FKTN: variants seen among roughly 807,000 people sequenced by gnomAD.
FKTN encodes fukutin, also known as ribitol-5-phosphate transferase FKTN.
A neutral mutation model predicts 58.6 loss-of-function variants in FKTN; 47 were observed. The ratio of observed to expected loss-of-function variants is 0.80; its 90% CI spans 0.63 to 1.02. The LOEUF (loss-of-function observed/expected upper bound fraction) is 1.02. Ranked by LOEUF, FKTN falls within the 50% of genes least tolerant of loss-of-function variation. The pLI is 0.00. For synonymous variants in FKTN, 178 were observed against 191.9 expected, an observed-to-expected ratio of 0.93 and a Z score of 0.60; for missense variants, 516 against 537.3, an observed-to-expected ratio of 0.96 and a Z score of 0.39.
At chr9:105,589,167 G>A (rs1016359290) in intron 3 of FKTN, among the ~76,000 whole-genome samples, 2 of 152,144 alleles carry the variant, frequency 1.3e-5, no homozygotes, top group Non-Finnish European at 1.5e-5. Flanking sequence ...ATTTATTTTT[G>A]TAACATTTGC....
chr9:105,604,170 T>C, intron 5 of FKTN, 45 bp from the exon 6 acceptor site: 2 of 1,598,332 alleles, frequency 1.3e-6, no homozygotes, highest in Non-Finnish European at 1.7e-6. Context: ...AAATATTCAA[T>C]GTTTAAGTGT....
At chr9:105,566,007 G>T (rs550924679) in intron 1 of FKTN, among the ~76,000 whole-genome samples, 1 of 152,078 alleles carries the variant, frequency 6.6e-6, no homozygotes, top group East Asian at 1.9e-4. Flanking sequence ...ACTCAAAACC[G>T]CTCAAATACA....
At chr9:105,573,122 T>G (rs1841050840) in intron 1 of FKTN, among the ~76,000 whole-genome samples, 2 of 151,932 alleles carry the variant, frequency 1.3e-5, no homozygotes, top group South Asian at 4.1e-4. Context: ...GTAATCCCAG[T>G]TACTCGGGAG....
intron 10 of FKTN, among the ~76,000 whole-genome samples, chr9:105,625,182 A>G (rs1832597574): frequency 6.6e-6 from 1 of 152,198 alleles, no homozygotes; most frequent in Admixed American, 6.5e-5. Flanking sequence ...ATAAACTTGT[A>G]TTACATATAA....
At chr9:105,594,535 A>G (rs940946719) in intron 3 of FKTN, among the ~76,000 whole-genome samples, 1 of 152,188 alleles carries the variant, frequency 6.6e-6, no homozygotes, top group Non-Finnish European at 1.5e-5. Context: ...AAGCAAGTGG[A>G]TCACTTGAGA....
At chr9:105,611,550 T>TC (rs1466064193) in intron 7 of FKTN, among the ~76,000 whole-genome samples, 3 of 152,132 alleles carry the variant, frequency 2.0e-5, no homozygotes, top group Non-Finnish European at 4.4e-5. Context: ...CCTCTATGCG[T>TC]CCATGTGTTC....
intron 1 of FKTN, among the ~76,000 whole-genome samples, chr9:105,569,927 A>T (rs748779684): frequency 2.6e-5 from 4 of 152,082 alleles, no homozygotes; most frequent in Non-Finnish European, 5.9e-5. Context: ...ACTTTACCTA[A>T]GTGTAAGTAA....
chr9:105,620,155 C>A (rs1483851725), intron 10 of FKTN, 94 bp downstream of exon 10: 11 of 1,076,532 alleles, frequency 1.0e-5, no homozygotes, highest in Non-Finnish European at 1.5e-5. Context: ...AACCAAAAAT[C>A]TCTTTCAAGA....
At chr9:105,569,513 G>A (rs1840355717) in intron 1 of FKTN, among the ~76,000 whole-genome samples, 1 of 152,092 alleles carries the variant, frequency 6.6e-6, no homozygotes, top group African/African-American at 2.4e-5. Flanking sequence ...TTCTTGGCTG[G>A]AGATGACCTA....
In FKTN at chr9:105,615,466, A is replaced by G. The variant is rs111443273; in HGVS notation, c.910+59A>G. 1,142 of 1,542,566 alleles carry G rather than the reference A, an allele frequency of 7.4e-4. 10 individuals are homozygous for G. The African/African-American group carries it at 0.013, about 18-fold the overall frequency. On this transcript the variant is annotated intron_variant, in intron 8 of 10. Transcript: ENST00000357998. ...GTCATTTTGTCCTCTGGCTTTAGGG[A>G]TTACTGCTTGAGATGACAAAATATC...
chr9:105,602,274 T>C (rs1267705241), intron 5 of FKTN, among the ~76,000 whole-genome samples: 1 of 152,248 alleles, frequency 6.6e-6, no homozygotes, highest in African/African-American at 2.4e-5. Context: ...TTTCATATTT[T>C]GGATTGTAGG....
At chr9:105,589,726 G>C (rs749999767) in intron 3 of FKTN, among the ~76,000 whole-genome samples, 6 of 152,202 alleles carry the variant, frequency 3.9e-5, no homozygotes, top group Non-Finnish European at 8.8e-5. Context: ...AGTTCTTCAG[G>C]TGAAGAAGGA....
chr9:105,619,066 A>C (rs1428880553), intron 9 of FKTN, among the ~76,000 whole-genome samples: 1 of 152,186 alleles, frequency 6.6e-6, no homozygotes, highest in Non-Finnish European at 1.5e-5. Flanking sequence ...CTTAAAAAAA[A>C]AAAAAAAAAG....
At chr9:105,623,567 T>C (rs1407183156) in intron 10 of FKTN, among the ~76,000 whole-genome samples, 1 of 152,212 alleles carries the variant, frequency 6.6e-6, no homozygotes, top group East Asian at 1.9e-4. Context: ...CTTCTGACAG[T>C]TGCAGCTTCT....
chr9:105,617,925 A>T, intron 8 of FKTN, 34 bp from the exon 9 acceptor site: 1 of 1,424,236 alleles, frequency 7.0e-7, no homozygotes, highest in Non-Finnish European at 9.7e-7. Context: ...TTCCAAACCT[A>T]AATTTTGTTA....
chr9:105,609,508 C>T (rs1829528300), intron 7 of FKTN, among the ~76,000 whole-genome samples: 1 of 152,022 alleles, frequency 6.6e-6, no homozygotes, highest in Non-Finnish European at 1.5e-5. Flanking sequence ...TGTCAGTTGT[C>T]CCAATAATAA....
intron 7 of FKTN, among the ~76,000 whole-genome samples, chr9:105,610,922 C>T (rs537068306): frequency 6.6e-6 from 1 of 152,114 alleles, no homozygotes; most frequent in East Asian, 1.9e-4. Context: ...GAATAATATA[C>T]CTTTTCCTGA....
chr9:105,626,981 C>CTTTTTTTTTTTTTTTTTTTTTT (rs60710867), intron 10 of FKTN, among the ~76,000 whole-genome samples: 1 of 128,032 alleles, frequency 7.8e-6, no homozygotes, highest in African/African-American at 3.0e-5. Flanking sequence ...CTTCTTTATT[C>CTTTTTTTTTTTTTTTTTTTTTT]TTTTTTTTTT....
chr9:105,620,944 T>C (rs908281357), intron 10 of FKTN, among the ~76,000 whole-genome samples: 2 of 152,108 alleles, frequency 1.3e-5, no homozygotes, highest in African/African-American at 2.4e-5. Flanking sequence ...GTCACCTTTT[T>C]TCTAAGAAAG....
Sources: gnomAD v4.1 joint callset for allele counts (sites outside exome capture counted in the v4.1 genomes callset) on GRCh38, gnomAD v4.1.1 for gene constraint, MANE v1.5 for transcripts, NCBI Gene and HGNC (gene_info 2026-07-23, HGNC 2026-07-21) for gene names.